Variants in ANKRD36C observed in about 807,000 individuals in gnomAD.
The protein encoded by ANKRD36C is ankyrin repeat domain 36C, also known as ankyrin repeat domain-containing protein 36C.
A neutral mutation model predicts 276.4 loss-of-function variants in ANKRD36C; 61 were observed. The observed-to-expected ratio is 0.22, with a 90% CI of 0.18 to 0.27. The LOEUF (loss-of-function observed/expected upper bound fraction) is 0.27, where lower values mean the gene tolerates loss of function less well. Among genes scored for constraint, ANKRD36C ranks in the 10% least tolerant of loss-of-function variants. ANKRD36C has a pLI of 1.00. For missense variants in ANKRD36C, 1,447 were observed against 2,032.3 expected (o/e 0.71, Z 5.54); for synonymous variants, 483 against 680.1 (o/e 0.71, Z 4.51).
At chr2:95,908,961 C>T (rs1056749226) in intron 42 of ANKRD36C, among the ~76,000 whole-genome samples, 1 of 151,114 alleles carries the variant, frequency 6.6e-6, no homozygotes, top group African/African-American at 2.4e-5. Flanking sequence ...ATGTCAATAT[C>T]AACGTGGATA....
At chr2:95,881,289 G>A (rs1676072038) in intron 56 of ANKRD36C, among the ~76,000 whole-genome samples, 1 of 152,084 alleles carries the variant, frequency 6.6e-6, no homozygotes, top group Non-Finnish European at 1.5e-5. Flanking sequence ...TGGCAAGAAG[G>A]TATAATATAT....
chr2:95,915,451 C>T (rs1029776914), intron 38 of ANKRD36C, among the ~76,000 whole-genome samples: 2 of 151,478 alleles, frequency 1.3e-5, no homozygotes, highest in Admixed American at 1.3e-4. Flanking sequence ...AGTGAGTTCA[C>T]TCAGGTTTCC....
chr2:95,910,636 A>T, intron 42 of ANKRD36C, 68 bp from the exon 45 acceptor site: 1 of 1,597,926 alleles, frequency 6.3e-7, no homozygotes, highest in Non-Finnish European at 8.5e-7. Flanking sequence ...ACATTCATGC[A>T]GCGTTAGCAT....
At chr2:95,909,808 T>A (rs1472178909) in intron 42 of ANKRD36C, among the ~76,000 whole-genome samples, 19 of 149,636 alleles carry the variant, frequency 1.3e-4, no homozygotes, top group African/African-American at 4.7e-4. Context: ...AAGTATTTTT[T>A]ATTAAAATAT....
At chr2:95,879,919 A>G (rs1432937399) in intron 58 of ANKRD36C, among the ~76,000 whole-genome samples, 5 of 143,750 alleles carry the variant, frequency 3.5e-5, no homozygotes, top group South Asian at 2.4e-4. Context: ...GGTGGTTCAC[A>G]CCTGTAATCC....
At chr2:95,926,755 C>A (rs1380830835) in intron 28 of ANKRD36C, among the ~76,000 whole-genome samples, 1 of 151,596 alleles carries the variant, frequency 6.6e-6, no homozygotes, top group African/African-American at 2.4e-5. Flanking sequence ...CTCCTTCCTG[C>A]CTGACAATCC....
intron 44 of ANKRD36C, among the ~76,000 whole-genome samples, chr2:95,892,344 T>C (rs554340400): frequency 3.3e-5 from 5 of 151,488 alleles, no homozygotes; most frequent in Non-Finnish European, 7.4e-5. Context: ...TTCAATTGAA[T>C]GTACCCTTCA....
intron 3 of ANKRD36C, among the ~76,000 whole-genome samples, chr2:95,985,336 G>C (rs2443935): frequency 1.2e-4 from 18 of 152,308 alleles, no homozygotes; most frequent in Non-Finnish European, 2.2e-4. Flanking sequence ...CTATCTCCAG[G>C]TCTTCTAGAG....
chr2:95,947,965 T>A lies in ANKRD36C; in HGVS notation c.1362+565A>T, dbSNP rs1678097842. ...ACCATGTCTAGTTAAATTTCCACAATTTGTAATATTATTTTAGCCTAAATA... is the reference window on the plus strand; with the variant it reads ...ACCATGTCTAGTTAAATTTCCACAAATTGTAATATTATTTTAGCCTAAATA... On this transcript the variant is annotated intron_variant, in intron 17 of 66. Coordinates refer to ENST00000456556, the Ensembl canonical transcript of ANKRD36C. Among the ~76,000 whole-genome samples, 3 of 152,120 alleles carry A rather than the reference T, an allele frequency of 2.0e-5. No individual in the cohort carries two copies. The South Asian group carries it at 6.2e-4, about 31-fold the overall frequency.
chr2:95,974,843 C>T (rs900183090), intron 6 of ANKRD36C, among the ~76,000 whole-genome samples: 1 of 134,708 alleles, frequency 7.4e-6, no homozygotes, highest in Non-Finnish European at 1.6e-5. Context: ...GTGATGTTCC[C>T]CTTCCTGTGT....
chr2:95,981,862 A>G (rs1678930011), intron 4 of ANKRD36C, among the ~76,000 whole-genome samples: 1 of 152,070 alleles, frequency 6.6e-6, no homozygotes, highest in South Asian at 2.1e-4. Flanking sequence ...CAACATCAAA[A>G]CACAGTAGAA....
chr2:95,934,151 G>T (rs1256252997), intron 24 of ANKRD36C, among the ~76,000 whole-genome samples: 2 of 152,090 alleles, frequency 1.3e-5, no homozygotes, highest in African/African-American at 4.8e-5. Context: ...TTATATTGTT[G>T]GTGGGAGTGT....
intron 6 of ANKRD36C, among the ~76,000 whole-genome samples, chr2:95,971,598 TGAATATTCTCTCCA>T (rs1370848304): frequency 6.6e-6 from 1 of 152,070 alleles, no homozygotes; most frequent in Admixed American, 6.5e-5. Context: ...AAACACAATA[TGAATATTCTCTCCA>T]GAATTATAGT....
At chr2:95,883,122 A>C (rs1428389790) in intron 54 of ANKRD36C, among the ~76,000 whole-genome samples, 1 of 152,094 alleles carries the variant, frequency 6.6e-6, no homozygotes, top group Non-Finnish European at 1.5e-5. Context: ...TGTGTCCTCT[A>C]GTTTATGCTA....
intron 30 of ANKRD36C, among the ~76,000 whole-genome samples, 188 bp downstream of exon 30, chr2:95,925,163 CT>C (rs1160286461): frequency 6.6e-6 from 1 of 151,596 alleles, no homozygotes. Context: ...ACTCTACAAG[CT>C]TGTTACTAAG....
chr2:95,944,615 A>G lies in ANKRD36C; in HGVS notation c.1491+12T>C, dbSNP rs1456854850. ...TTATTCTATGTTGGCTTTTAACCAC[A>G]TCTTCATTTACCTTATCAACATTTT... On this transcript the variant is annotated intron_variant, in intron 19 of 66. Transcript: ENST00000456556. The G allele has an allele frequency of 6.5e-7, 1 of 1,537,040 alleles. No individual in the cohort carries two copies. The highest frequency in any genetic ancestry group is 8.7e-7 in the Non-Finnish European group (1 of 1,146,668).
At chr2:95,958,125 A>ATC (rs1392222724) in intron 12 of ANKRD36C, among the ~76,000 whole-genome samples, 2 of 152,188 alleles carry the variant, frequency 1.3e-5, no homozygotes, top group Non-Finnish European at 2.9e-5. Context: ...CTGCCTCACA[A>ATC]TCCCTCTTCC....
chr2:95,917,898 C>G, exon 36 of ANKRD36C: 2 of 1,606,952 alleles, frequency 1.2e-6, no homozygotes. Context: ...TGGCTATAAT[C>G]GAAACAGAAT....
At chr2:95,887,600 T>C (rs1355603752) in intron 50 of ANKRD36C, among the ~76,000 whole-genome samples, 1 of 151,716 alleles carries the variant, frequency 6.6e-6, no homozygotes, top group Non-Finnish European at 1.5e-5. Flanking sequence ...CTATACTTCA[T>C]GTCTTTCTCC....
Sources: gnomAD v4.1 joint callset for allele counts (sites outside exome capture counted in the v4.1 genomes callset) on GRCh38, gnomAD v4.1.1 for gene constraint, MANE v1.5 for transcripts, NCBI Gene and HGNC (gene_info 2026-07-23, HGNC 2026-07-21) for gene names.